Variants in ZNF625 observed in about 807,000 individuals in gnomAD.
The protein encoded by ZNF625 is zinc finger protein 625.
In ZNF625, 8 loss-of-function variants were observed where a neutral mutation model predicts 11.1. That is an observed-to-expected ratio of 0.72 (90% CI 0.42 to 1.30). The LOEUF (loss-of-function observed/expected upper bound fraction) is 1.30. ZNF625 is among the 50% of genes most tolerant of loss of function. The probability of loss-of-function intolerance (pLI) is 0.01; values close to 1 mark genes in which losing one functional copy is unlikely to be tolerated. For missense variants in ZNF625, 349 were observed against 447.6 expected (o/e 0.78, Z 1.99); for synonymous variants, 145 against 153.4 (o/e 0.95, Z 0.41).
chr19:12,156,468 A>T, intron 1 of ZNF625, 88 bp downstream of exon 1: 1 of 1,161,320 alleles, frequency 8.6e-7, no homozygotes, highest in Non-Finnish European at 1.1e-6. Context: ...AAGTCGCTGC[A>T]GGAAGGCCTG....
chr19:12,151,580 C>T (rs1184119802), intron 1 of ZNF625, among the ~76,000 whole-genome samples: 2 of 151,910 alleles, frequency 1.3e-5, no homozygotes, highest in African/African-American at 4.8e-5. Context: ...GGGGTTTCAC[C>T]GTGTTAGCCA....
In ZNF625 at chr19:12,145,280, T is replaced by C; in HGVS notation, c.*17A>G. 2 of 1,569,402 alleles carry C rather than the reference T, an allele frequency of 1.3e-6. No homozygotes were observed. The highest frequency in any genetic ancestry group is 1.2e-5 in the South Asian group (1 of 83,872). On this transcript the variant is annotated 3_prime_UTR_variant, in exon 4 of 4. Coordinates refer to ENST00000439556, the MANE Select transcript of ZNF625 (RefSeq NM_145233.4). The stretch of plus-strand genomic sequence containing the variant: ...TACCATGATTGGATTCGGTGGCTTC[T>C]AGGAATCTTATGTGAATTAAGCAAT...
At chr19:12,156,471 A>G in intron 1 of ZNF625, 85 bp downstream of exon 1, 2 of 1,184,762 alleles carry the variant, frequency 1.7e-6, no homozygotes, top group Non-Finnish European at 2.2e-6. Context: ...TCGCTGCAGG[A>G]AGGCCTGGGT....
intron 1 of ZNF625, among the ~76,000 whole-genome samples, chr19:12,155,844 G>T (rs11670061): frequency 6.6e-6 from 1 of 151,412 alleles, no homozygotes; most frequent in Non-Finnish European, 1.5e-5. Context: ...TTAGTTTGTT[G>T]CTGTTGTTTT....
intron 3 of ZNF625, among the ~76,000 whole-genome samples, 184 bp from the exon 4 acceptor site, chr19:12,146,408 A>G (rs973674332): frequency 9.3e-6 from 1 of 107,652 alleles, no homozygotes; most frequent in Admixed American, 8.6e-5. Flanking sequence ...ATCAAGAAAG[A>G]TAATATTGAT....
chr19:12,147,596 T>C, intron 2 of ZNF625, 80 bp downstream of exon 2: 1 of 1,603,406 alleles, frequency 6.2e-7, no homozygotes, highest in Non-Finnish European at 8.5e-7. Context: ...CTGTCCACAC[T>C]CCAAATCACT....
intron 3 of ZNF625, 28 bp from the exon 4 acceptor site, chr19:12,146,252 T>A: frequency 6.3e-7 from 1 of 1,578,504 alleles, no homozygotes; most frequent in African/African-American, 1.4e-5. Context: ...TATATCATAA[T>A]GGGTTCCTTT....
Position 12,156,379 on chromosome 19 carries a change from GCTGCCGGCCCAACCCCACC to G in ZNF625, c.3+158_3+176del, listed in dbSNP as rs1463463223. Among the ~76,000 whole-genome samples the G allele has an allele frequency of 1.8e-3, 280 of 152,312 alleles. 1 individual carries two copies. The highest frequency in any genetic ancestry group is 3.1e-3 in the Non-Finnish European group (214 of 68,004). ...ACGGGACAGGACGCCTGGGGTCCCG[GCTGCCGGCCCAACCCCACC>G]CTGCGGCCGAAGGGACCGAGGGCCG... is the stretch of plus-strand genomic sequence containing the variant. On this transcript the variant is annotated intron_variant, in intron 1 of 3. Coordinates refer to ENST00000439556, the MANE Select transcript of ZNF625 (RefSeq NM_145233.4).
intron 1 of ZNF625, among the ~76,000 whole-genome samples, chr19:12,152,816 C>A (rs1439942177): frequency 1.3e-5 from 2 of 151,658 alleles, no homozygotes; most frequent in African/African-American, 4.9e-5. Flanking sequence ...CACATCCCAG[C>A]CTGGATGACG....
chr19:12,150,255 T>C (rs1335340629), intron 1 of ZNF625, among the ~76,000 whole-genome samples: 1 of 152,112 alleles, frequency 6.6e-6, no homozygotes, highest in Admixed American at 6.5e-5. Context: ...CTTTGGAATG[T>C]GGGAAGGGAA....
rs761209240 is a variant in ZNF625, at chr19:12,145,811, C to A, written c.605G>T (p.Cys202Phe). 1 of 1,614,150 alleles carries A rather than the reference C, an allele frequency of 6.2e-7. No homozygotes were observed. The highest frequency in any genetic ancestry group is 8.5e-7 in the Non-Finnish European group (1 of 1,180,032). The change falls in exon 4 of 4, where the codon TGT becomes TTT. Residue 202 changes from cysteine (C) to phenylalanine (F), a missense_variant. Coordinates refer to ENST00000439556, the MANE Select transcript of ZNF625 (RefSeq NM_145233.4). Reference sequence around the variant, plus strand: ...TTTGTGGATAAGATACAAACTGAGACACATCAAGGCTTTCCCACAAAAGTT... The same window carrying A: ...TTTGTGGATAAGATACAAACTGAGAAACATCAAGGCTTTCCCACAAAAGTT... ...KCNFCGKALMCLSLYLIHKRT... is the reference protein window; with the variant it reads ...KCNFCGKALMFLSLYLIHKRT...
chr19:12,147,812 C>G lies in ZNF625; in HGVS notation c.4-10G>C, dbSNP rs1189305207. Reference sequence around the variant, plus strand: ...CAAAGACCACTGAATCCTGAAACATCCCACATGTGTAAAGAAACATGGGTG... The same window carrying G: ...CAAAGACCACTGAATCCTGAAACATGCCACATGTGTAAAGAAACATGGGTG... On this transcript the variant is annotated splice_polypyrimidine_tract_variant and intron_variant, in intron 1 of 3. Coordinates refer to ENST00000439556, the MANE Select transcript of ZNF625 (RefSeq NM_145233.4). 6.2e-7 allele frequency: 1 copy of G among 1,613,410 alleles called. No homozygotes were observed. The highest frequency in any genetic ancestry group is 8.5e-7 in the Non-Finnish European group (1 of 1,179,766).
At position 12,156,607 on chromosome 19, in the gene ZNF625, A is replaced by T; in HGVS notation, c.-49T>A. 7.7e-7 allele frequency: 1 copy of T among 1,303,838 alleles called. No individual in the cohort carries two copies. Among genetic ancestry groups the T allele is most frequent in the African/African-American group, 1.5e-5 (1 of 65,666 alleles). The allele number at this position is 1,303,838 out of a possible 1,614,324, so 80.8% of individuals were successfully genotyped here. ...CCTCCTCTCCACGGATCCCTCTAACAGTCCAGTCACAGTGCGGGCGATGGA... is the reference window on the plus strand; with the variant it reads ...CCTCCTCTCCACGGATCCCTCTAACTGTCCAGTCACAGTGCGGGCGATGGA... On this transcript the variant is annotated 5_prime_UTR_variant, in exon 1 of 4. Coordinates refer to ENST00000439556, the MANE Select transcript of ZNF625 (RefSeq NM_145233.4).
In ZNF625 at chr19:12,145,912, A is replaced by G; in HGVS notation, c.504T>C (p.Cys168=). 1 of 1,614,194 alleles carries G rather than the reference A, an allele frequency of 6.2e-7. No homozygotes were observed. Among genetic ancestry groups the G allele is most frequent in the Non-Finnish European group, 8.5e-7 (1 of 1,180,030 alleles). The change falls in exon 4 of 4, where the codon TGT becomes TGC. Residue 168 remains cysteine (C), a synonymous_variant. Transcript: ENST00000439556. ...TGGKPYDCEE[C]GKSFISRSSI... ...TTGAACGGGAAATAAAGCTTTTTCCACATTCCTCACAATCATAAGGTTTCC... is the reference window on the plus strand; with the variant it reads ...TTGAACGGGAAATAAAGCTTTTTCCGCATTCCTCACAATCATAAGGTTTCC...
intron 1 of ZNF625, among the ~76,000 whole-genome samples, chr19:12,150,069 C>T (rs117358878): frequency 3.3e-5 from 5 of 152,208 alleles, no homozygotes; most frequent in Non-Finnish European, 7.4e-5. Context: ...ACAAAGTTTC[C>T]GGTGGTTATT....
chr19:12,150,983 G>C (rs1466918577), intron 1 of ZNF625, among the ~76,000 whole-genome samples: 2 of 152,122 alleles, frequency 1.3e-5, no homozygotes, highest in Non-Finnish European at 2.9e-5. Flanking sequence ...CCCTTACCTT[G>C]TGTCATAAAG....
chr19:12,147,608 A>G, intron 2 of ZNF625, 68 bp downstream of exon 2: 1 of 1,608,976 alleles, frequency 6.2e-7, no homozygotes, highest in Non-Finnish European at 8.5e-7. Flanking sequence ...CAAATCACTC[A>G]ACACTACTGA....
At chr19:12,149,931 G>A (rs1976932327) in intron 1 of ZNF625, among the ~76,000 whole-genome samples, 2 of 152,072 alleles carry the variant, frequency 1.3e-5, no homozygotes, top group South Asian at 4.1e-4. Flanking sequence ...TAGAGACAGG[G>A]TTTCTCCATG....
At chr19:12,152,917 T>C (rs904650513) in intron 1 of ZNF625, among the ~76,000 whole-genome samples, 12 of 151,798 alleles carry the variant, frequency 7.9e-5, no homozygotes, top group Admixed American at 2.6e-4. Flanking sequence ...AAGGTATATA[T>C]AAAAAATGCA....
Sources: allele counts gnomAD v4.1 joint callset (sites outside exome capture counted in the v4.1 genomes callset), GRCh38; gene constraint gnomAD v4.1.1; transcripts MANE v1.5; gene names NCBI Gene and HGNC (gene_info 2026-07-23, HGNC 2026-07-21).